CDHR2: variants seen among roughly 807,000 people sequenced by gnomAD.
CDHR2 encodes cadherin-related family member 2.
A neutral mutation model predicts 138.6 loss-of-function variants in CDHR2; 104 were observed. The observed-to-expected ratio is 0.75, with a 90% CI of 0.64 to 0.88. The LOEUF (loss-of-function observed/expected upper bound fraction) is 0.88. CDHR2 is among the 40% of genes least tolerant of loss of function. The pLI, the probability that CDHR2 is intolerant of heterozygous loss-of-function variation, is 0.00. For synonymous variants in CDHR2, 755 were observed against 742.8 expected (o/e 1.02, Z -0.27); for missense variants, 1,624 against 1,727.6 (o/e 0.94, Z 1.06).
At position 176,584,233 on chromosome 5, in the gene CDHR2, A is replaced by G. The variant is rs560589848; in HGVS notation, c.2102A>G (p.Asn701Ser). ...NLPIFNQSSY[N>S]FTVKEEDPGV... The stretch of plus-strand genomic sequence containing the variant: ...CCCATCTTCAATCAGTCCAGCTACA[A>G]CTTTACGGTGAAGGAGGAGGATCCA... The change falls in exon 18 of 32, where the codon AAC becomes AGC. Residue 701 changes from asparagine (N) to serine (S), a missense_variant. Physicochemically the swap from Asn to Ser is conservative, Grantham distance 46 (BLOSUM62 1). Coordinates refer to ENST00000261944, the MANE Select transcript of CDHR2 (RefSeq NM_017675.6). The G allele has an allele frequency of 3.7e-6, 6 of 1,613,956 alleles. No homozygotes were observed. The highest frequency in any genetic ancestry group is 1.3e-5 in the African/African-American group (1 of 74,902).
chr5:176,594,852 T>C (rs1413738557), intron 31 of CDHR2, among the ~76,000 whole-genome samples: 1 of 151,980 alleles, frequency 6.6e-6, no homozygotes, highest in Non-Finnish European at 1.5e-5. Flanking sequence ...TGTGTGTGTG[T>C]GTGCACGCAC....
At chr5:176,565,506 A>G (rs1044638227) in intron 2 of CDHR2, 102 bp downstream of exon 2, 15 of 1,328,304 alleles carry the variant, frequency 1.1e-5, no homozygotes, top group East Asian at 2.4e-5. Context: ...ACCAGCTCCT[A>G]TGGGCCAGCC....
intron 1 of CDHR2, among the ~76,000 whole-genome samples, chr5:176,560,726 C>T (rs1489516403): frequency 6.6e-6 from 1 of 152,322 alleles, no homozygotes; most frequent in Non-Finnish European, 1.5e-5. Flanking sequence ...CTCATGGATA[C>T]CCAGTAACTA....
In CDHR2 at chr5:176,581,555, C is replaced by A. The variant is rs765267165; in HGVS notation, c.2031C>A (p.Thr677=). 6.2e-7 allele frequency: 1 copy of A among 1,613,982 alleles called. No homozygotes were observed. The highest frequency in any genetic ancestry group is 8.5e-7 in the Non-Finnish European group (1 of 1,180,042). Residue 677 remains threonine (T), a synonymous_variant, in exon 17 of 32, where the codon ACC becomes ACA. Transcript: ENST00000261944. ...VSDCGEPVLG[T]KVNVTITVED... ...ACTGCGGCGAGCCTGTCCTCGGCAC[C>A]AAAGTCAATGTCACCATCACTGTGG...
In CDHR2 at chr5:176,576,244, G is replaced by A; in HGVS notation, c.1194+59G>A. ...GCTGGGGGAGGCCAGTGGGAGCCTG[G>A]ATCGAGTGACGGTGTCATGTGGTGC... On this transcript the variant is annotated intron_variant, in intron 12 of 31. Coordinates refer to ENST00000261944, the MANE Select transcript of CDHR2 (RefSeq NM_017675.6). This position sits in a 1 kb window ranked among gnomAD's most constrained non-coding sequence, Gnocchi z 4.5. The A allele has an allele frequency of 1.2e-5, 17 of 1,361,742 alleles. No homozygotes were observed. Among genetic ancestry groups the A allele is most frequent in the Non-Finnish European group, 1.6e-5 (16 of 979,496 alleles). The allele number at this position is 1,361,742 out of a possible 1,614,324, so 84.4% of individuals were successfully genotyped here.
At chr5:176,565,886 C>T in intron 3 of CDHR2, 143 bp downstream of exon 3, 1 of 650,104 alleles carries the variant, frequency 1.5e-6, no homozygotes, top group Non-Finnish European at 2.7e-6. Flanking sequence ...TCCTTTGATT[C>T]CAGAAGTTTG....
At position 176,586,842 on chromosome 5, in the gene CDHR2, G is replaced by T. The variant is rs780143040; in HGVS notation, c.2856G>T (p.Arg952=). The change falls in exon 21 of 32, where the codon CGG becomes CGT. Residue 952 remains arginine, a splice_region_variant and synonymous_variant. Coordinates refer to ENST00000261944, the MANE Select transcript of CDHR2 (RefSeq NM_017675.6). ...VLPNREVASV[R]ARDDDSGNNG... ...CCAACCGGGAGGTGGCTTCTGTCCG[G>T]GTAAGTTCTTGGCTCCAGCCTTTGT... 13 of 1,608,580 alleles carry T rather than the reference G, an allele frequency of 8.1e-6. No homozygotes were observed. The South Asian group carries it at 1.3e-4, about 17-fold the overall frequency.
chr5:176,593,446 C>G (rs1187280082), intron 31 of CDHR2, among the ~76,000 whole-genome samples: 1 of 152,206 alleles, frequency 6.6e-6, no homozygotes, highest in Non-Finnish European at 1.5e-5. Flanking sequence ...TCAGGGGGTG[C>G]TAAGGTGCAG....
intron 2 of CDHR2, 22 bp downstream of exon 2, chr5:176,565,426 C>G (rs750114139): frequency 1.2e-6 from 2 of 1,610,948 alleles, no homozygotes; most frequent in South Asian, 2.2e-5. Flanking sequence ...CCCTCCCCAG[C>G]CACGCAGCCC....
At position 176,584,457 on chromosome 5, in the gene CDHR2, G is replaced by A. The variant is rs758503520; in HGVS notation, c.2176G>A (p.Ala726Thr). 3 of 1,607,778 alleles carry A rather than the reference G, an allele frequency of 1.9e-6. No homozygotes were observed. The highest frequency in any genetic ancestry group is 1.1e-5 in the South Asian group (1 of 90,078). The change falls in exon 19 of 32, where the codon GCC becomes ACC. Residue 726 changes from alanine to threonine, a missense_variant. Transcript: ENST00000261944. The stretch of plus-strand genomic sequence containing the variant: ...GGCCTGGGACGCGGACCAGACGGAA[G>A]CCAACAACCGCATCAGCTTCAGCCT... ...VKAWDADQTE[A>T]NNRISFSLSG...
chr5:176,594,021 G>A (rs1758954049), intron 31 of CDHR2, among the ~76,000 whole-genome samples: 1 of 152,188 alleles, frequency 6.6e-6, no homozygotes, highest in African/African-American at 2.4e-5. Flanking sequence ...GTCTACTGGA[G>A]TGCATGGCCT....
At chr5:176,572,249 G>A (rs1439743587) in intron 6 of CDHR2, among the ~76,000 whole-genome samples, 3 of 151,598 alleles carry the variant, frequency 2.0e-5, no homozygotes, top group Non-Finnish European at 2.9e-5. Context: ...TTAGCCGAGT[G>A]TGGTGGCACA....
At position 176,590,610 on chromosome 5, in the gene CDHR2, T is replaced by G; in HGVS notation, c.3462T>G (p.Ser1154Arg). The G allele has an allele frequency of 6.2e-7, 1 of 1,614,010 alleles. No homozygotes were observed. The highest frequency in any genetic ancestry group is 8.5e-7 in the Non-Finnish European group (1 of 1,179,982). The change falls in exon 28 of 32, where the codon AGT becomes AGG. Residue 1154 changes from serine (S) to arginine (R), a missense_variant. By Grantham distance (110) the Ser-to-Arg change is moderately radical. Coordinates refer to ENST00000261944, the MANE Select transcript of CDHR2 (RefSeq NM_017675.6). ...CAGACCTGTCGAAACAGCTCATCAG[T>G]GTCATCATAGGATTGGGAGTGGCTT... ...QESDLSKQLISVIIGLGVALL... is the reference protein window; with the variant it reads ...QESDLSKQLIRVIIGLGVALL...
chr5:176,568,587 C>A, intron 3 of CDHR2, 91 bp from the exon 4 acceptor site: 1 of 1,455,990 alleles, frequency 6.9e-7, no homozygotes, highest in Non-Finnish European at 9.4e-7. Context: ...ACAGGGCAGC[C>A]AGGCGCCCAG....
rs557444634 is a variant in CDHR2, at chr5:176,585,652, C to A, written c.2735-302C>A. On this transcript the variant is annotated intron_variant, in intron 19 of 31. Transcript: ENST00000261944. ...TGTGTGACTTTGACAAGCTGCTTAT[C>A]TGCTCTGAGGTCTGGGATGATACTC... Among the ~76,000 whole-genome samples the A allele has an allele frequency of 1.7e-3, 260 of 152,358 alleles. 1 individual carries two copies. The highest frequency in any genetic ancestry group is 2.9e-3 in the Non-Finnish European group (200 of 68,032).
In CDHR2 at chr5:176,589,577, C is replaced by T. The variant is rs150929130; in HGVS notation, c.3167C>T (p.Pro1056Leu). 8 of 1,613,946 alleles carry T rather than the reference C, an allele frequency of 5.0e-6. No individual in the cohort carries two copies. The highest frequency in any genetic ancestry group is 4.0e-5 in the African/African-American group (3 of 74,906). The change falls in exon 24 of 32, where the codon CCG becomes CTG. Residue 1056 changes from proline to leucine, a missense_variant. Physicochemically the swap from Pro to Leu is moderately conservative, Grantham distance 98. Transcript: ENST00000261944. ...CGCTCGCGGCTGCAGTTCTCCACAC[C>T]GAAGGAGGAGGTGGGCGCCAACAGA... ...SYRSRLQFST[P>L]KEEVGANRQA... is the part of the protein sequence containing the mutation.
rs115283964 is a variant in CDHR2 at position 176,577,742 on chromosome 5, G to A, written c.1456G>A (p.Val486Ile). 2.2e-5 allele frequency: 35 copies of A among 1,614,220 alleles called. No individual in the cohort carries two copies. In the East Asian group the frequency reaches 2.5e-4, roughly 11 times the overall value. ...HRPTFPQSLYVLTVPEHSATG... is the reference protein window; with the variant it reads ...HRPTFPQSLYILTVPEHSATG... ...GCCCACGTTTCCCCAGAGCTTGTAC[G>A]TCCTCACGGTGCCAGAGCACAGCGC... Residue 486 changes from valine to isoleucine, a missense_variant, in exon 14 of 32, where the codon GTC (valine) becomes ATC (isoleucine). Physicochemically the swap from Val to Ile is conservative, Grantham distance 29. This residue lies in a region of CDHR2 where 1,061 missense variants were observed against 1,136.6 expected (regional missense o/e 0.93). Transcript: ENST00000261944.
In CDHR2 at chr5:176,580,448, G is replaced by C. The variant is rs375086473; in HGVS notation, c.1819-895G>C. Among the ~76,000 whole-genome samples the C allele has an allele frequency of 1.0e-3, 150 of 144,356 alleles. 2 individuals are homozygous for C. Among genetic ancestry groups the C allele is most frequent in the African/African-American group, 3.7e-3 (145 of 38,812 alleles). The allele number at this position is 144,356 out of a possible 152,430, so 94.7% of individuals were successfully genotyped here. On this transcript the variant is annotated intron_variant, in intron 16 of 31. Transcript: ENST00000261944. ...GGAGGCTGAGGCAGGAGAATCACTTGAATCCAGGAATTGGAAGCTGCAGTG... is the reference window on the plus strand; with the variant it reads ...GGAGGCTGAGGCAGGAGAATCACTTCAATCCAGGAATTGGAAGCTGCAGTG...
chr5:176,569,573 C>T (rs1327410559), intron 5 of CDHR2, among the ~76,000 whole-genome samples: 2 of 152,188 alleles, frequency 1.3e-5, no homozygotes, highest in Admixed American at 6.5e-5. Context: ...TGAGCCACCA[C>T]GCCCGGCCTA....
Sources: gnomAD v4.1 joint callset for allele counts (sites outside exome capture counted in the v4.1 genomes callset) on GRCh38, gnomAD v4.1.1 for gene constraint, gnomAD v4.1.1 regional missense constraint, Gnocchi (gnomAD v3.1) non-coding constraint, MANE v1.5 for transcripts, NCBI Gene and HGNC (gene_info 2026-07-23, HGNC 2026-07-21) for gene names.